ODAD2: variants seen among roughly 807,000 people sequenced by gnomAD.
ODAD2 encodes outer dynein arm docking complex subunit 2, also known as outer dynein arm-docking complex subunit 2.
Under a neutral mutation model 106.8 loss-of-function variants are expected in ODAD2, and 89 were observed. The observed-to-expected ratio is 0.83, with a 90% CI of 0.70 to 0.99. ODAD2 has a LOEUF of 0.99. Ranked by LOEUF, ODAD2 falls within the 50% of genes least tolerant of loss-of-function variation. ODAD2 has a pLI of 0.00. For missense variants in ODAD2, 1,168 were observed against 1,238.5 expected, an observed-to-expected ratio of 0.94 and a Z score of 0.85; for synonymous variants, 404 against 436.2, an observed-to-expected ratio of 0.93 and a Z score of 0.92.
At chr10:27,988,186 C>T (rs2133167727) in intron 2 of ODAD2, among the ~76,000 whole-genome samples, 1 of 151,750 alleles carries the variant, frequency 6.6e-6, no homozygotes, top group Non-Finnish European at 1.5e-5. Flanking sequence ...TGATTTTTTT[C>T]AGGTTGGCCT....
intron 19 of ODAD2, among the ~76,000 whole-genome samples, chr10:27,844,934 A>G (rs928902447): frequency 6.6e-6 from 1 of 152,296 alleles, no homozygotes; most frequent in Non-Finnish European, 1.5e-5. Context: ...GCTTGGATGA[A>G]GAAGACAAGC....
chr10:27,866,708 G>T (rs1334721), intron 17 of ODAD2, among the ~76,000 whole-genome samples: 3,363 of 152,190 alleles, frequency 0.022, 145 homozygotes, highest in African/African-American at 0.076. Flanking sequence ...CAAGAGAGGG[G>T]AGGGAGGTGC....
At chr10:27,856,253 C>T (rs1000048999) in intron 19 of ODAD2, among the ~76,000 whole-genome samples, 20 of 151,744 alleles carry the variant, frequency 1.3e-4, no homozygotes, top group Admixed American at 2.0e-4. Flanking sequence ...ATATTCCTAT[C>T]ACACTGTATT....
intron 10 of ODAD2, among the ~76,000 whole-genome samples, chr10:27,951,578 C>A (rs1037061970): frequency 6.6e-6 from 1 of 151,642 alleles, no homozygotes; most frequent in Non-Finnish European, 1.5e-5. Context: ...TAGATGCATA[C>A]CTTCTATTAT....
chr10:27,950,756 T>C (rs1462871685), intron 10 of ODAD2, among the ~76,000 whole-genome samples: 3 of 152,150 alleles, frequency 2.0e-5, no homozygotes, highest in Admixed American at 6.5e-5. Flanking sequence ...CTGACCCATA[T>C]GCATTCTTTT....
chr10:27,874,031 T>C (rs896198389), intron 17 of ODAD2, among the ~76,000 whole-genome samples: 18 of 152,240 alleles, frequency 1.2e-4, no homozygotes, highest in Non-Finnish European at 2.5e-4. Context: ...TTTATGAATC[T>C]GGGTGCTTCT....
Position 27,971,207 on chromosome 10 carries a change from T to A in ODAD2, c.1043A>T (p.Lys348Ile), listed in dbSNP as rs763145085. ...ALRKDISGSD[K>I]RSLEKNQINF... is the part of the protein sequence containing the mutation. ...AATTTGGTTCTTCTCCAGTGACCTT[T>A]TGTCTGAACCAGAAATGTCTTTGCG... Residue 348 changes from lysine to isoleucine, a missense_variant, in exon 8 of 20, where the codon AAA becomes ATA. By Grantham distance (102) the Lys-to-Ile change is moderately radical. Coordinates refer to ENST00000305242, the MANE Select transcript of ODAD2 (RefSeq NM_018076.5). 110 of 1,613,936 alleles carry A rather than the reference T, an allele frequency of 6.8e-5. No homozygotes were observed. Among genetic ancestry groups the A allele is most frequent in the Non-Finnish European group, 9.2e-5 (108 of 1,179,934 alleles).
chr10:27,886,793 T>C (rs1419505924), intron 17 of ODAD2, among the ~76,000 whole-genome samples: 1 of 151,950 alleles, frequency 6.6e-6, no homozygotes, highest in Non-Finnish European at 1.5e-5. Context: ...GAAATGAAGT[T>C]ACTATCAATT....
chr10:27,934,250 CA>C (rs1282070012), intron 16 of ODAD2, among the ~76,000 whole-genome samples: 1 of 151,968 alleles, frequency 6.6e-6, no homozygotes, highest in Non-Finnish European at 1.5e-5. Context: ...TCTTTATCAG[CA>C]GCATGAAAAT....
At chr10:27,882,186 A>AAAGAAAGC (rs1841768314) in intron 17 of ODAD2, among the ~76,000 whole-genome samples, 2 of 147,492 alleles carry the variant, frequency 1.4e-5, no homozygotes, top group Admixed American at 6.8e-5. Flanking sequence ...AGAAAGAAAG[A>AAAGAAAGC]AAGAAAGAAA....
At chr10:27,852,173 G>A (rs946687005) in intron 19 of ODAD2, among the ~76,000 whole-genome samples, 1 of 152,178 alleles carries the variant, frequency 6.6e-6, no homozygotes, top group Non-Finnish European at 1.5e-5. Context: ...TACCAGGAAA[G>A]TTAAAAGTCT....
intron 9 of ODAD2, 123 bp from the exon 10 acceptor site, chr10:27,961,838 G>C: frequency 2.6e-6 from 2 of 768,156 alleles, no homozygotes; most frequent in Non-Finnish European, 4.1e-6. Flanking sequence ...GCTGAGGTGG[G>C]AGGATTACTT....
At chr10:27,916,211 T>C (rs533459058) in intron 16 of ODAD2, among the ~76,000 whole-genome samples, 1 of 152,122 alleles carries the variant, frequency 6.6e-6, no homozygotes, top group South Asian at 2.1e-4. Context: ...GATCAAAAGC[T>C]GAGCAGGGTG....
intron 17 of ODAD2, among the ~76,000 whole-genome samples, chr10:27,872,567 T>G (rs1407238182): frequency 1.3e-5 from 2 of 152,094 alleles, no homozygotes; most frequent in Admixed American, 6.6e-5. Flanking sequence ...TAGCATGAAG[T>G]GCTGTTGAAT....
In ODAD2 at chr10:27,862,594, A is replaced by G. The variant is rs771643379; in HGVS notation, c.2639T>C (p.Val880Ala). The change falls in exon 18 of 20, where the codon GTT becomes GCT. Residue 880 changes from valine to alanine, a missense_variant. Physicochemically the swap from Val to Ala is moderately conservative, Grantham distance 64 (BLOSUM62 0). Around this residue, in one of 3 missense-constraint regions of ODAD2, gnomAD observed 701 missense variants for 712.3 expected, o/e 0.98. Coordinates refer to ENST00000305242, the MANE Select transcript of ODAD2 (RefSeq NM_018076.5). ...KDAGEMVRSF[V>A]GGLELIVNLL... ...ATTGACAATAAGTTCCAAACCACCA[A>G]CAAAGGAACGAACCATTTCCCCAGC... 6.2e-7 allele frequency: 1 copy of G among 1,609,218 alleles called. No homozygotes were observed. Among genetic ancestry groups the G allele is most frequent in the Non-Finnish European group, 8.5e-7 (1 of 1,178,164 alleles).
rs1841841123 is a variant in ODAD2 at position 27,882,875 on chromosome 10, TAA to T, written c.2611-20255_2611-20254del. The stretch of plus-strand genomic sequence containing the variant: ...TTGACCTAAGACTTCACACAGTAAG[TAA>T]AGTCTTATCCCTAGAGTGTTTGTTA... On this transcript the variant is annotated intron_variant, in intron 17 of 19. Transcript: ENST00000305242. Among the ~76,000 whole-genome samples the T allele has an allele frequency of 4.6e-5, 7 of 151,734 alleles. No individual in the cohort carries two copies. In the South Asian group the frequency reaches 1.5e-3, roughly 32 times the overall value.
Position 27,939,914 on chromosome 10 carries a change from C to T in ODAD2, c.2080G>A (p.Ala694Thr), listed in dbSNP as rs556371991. ...CACTGCACCTGGTAAATGGCCATGG[C>T]GCAGTGCTCCTGCAGCTGCTCATTC... ...SENEQLQEHC[A>T]MAIYQCAEDK... Residue 694 changes from alanine (A) to threonine (T), a missense_variant, in exon 14 of 20, where the codon GCC (alanine) becomes ACC (threonine). By Grantham distance (58) the Ala-to-Thr change is moderately conservative. Coordinates refer to ENST00000305242, the MANE Select transcript of ODAD2 (RefSeq NM_018076.5). The T allele has an allele frequency of 2.1e-5, 33 of 1,605,066 alleles. No homozygotes were observed. The highest frequency in any genetic ancestry group is 1.7e-4 in the Middle Eastern group (1 of 6,032).
At chr10:27,825,268 G>C (rs1446157158) in intron 19 of ODAD2, among the ~76,000 whole-genome samples, 1 of 152,164 alleles carries the variant, frequency 6.6e-6, no homozygotes, top group African/African-American at 2.4e-5. Context: ...TGAATTTAAT[G>C]ATTAGGCCAA....
Position 27,916,600 on chromosome 10 carries a change from C to T in ODAD2, c.2496-8823G>A, listed in dbSNP as rs146251505. ...TCCTCCTCCTCCTCAGCCTGTTCAA[C>T]GTGAAGATGACCAAGATGAAGATCT... On this transcript the variant is annotated intron_variant, in intron 16 of 19. Transcript: ENST00000305242. 8.3e-4 allele frequency among the ~76,000 whole-genome samples: 127 copies of T among 152,170 alleles called. 2 individuals are homozygous for T. The East Asian group carries it at 0.018, about 21-fold the overall frequency.
Sources: gnomAD v4.1 joint callset for allele counts (sites outside exome capture counted in the v4.1 genomes callset) on GRCh38, gnomAD v4.1.1 for gene constraint, gnomAD v4.1.1 regional missense constraint, MANE v1.5 for transcripts, NCBI Gene and HGNC (gene_info 2026-07-23, HGNC 2026-07-21) for gene names.